GRIN2A: variants seen among roughly 807,000 people sequenced by gnomAD.
The protein encoded by GRIN2A is glutamate receptor ionotropic, NMDA 2A.
Under a neutral mutation model 113.4 loss-of-function variants are expected in GRIN2A, and 22 were observed. The observed-to-expected ratio is 0.19, with a 90% CI of 0.14 to 0.28. GRIN2A has a LOEUF of 0.28. Among genes scored for constraint, GRIN2A ranks in the 10% least tolerant of loss-of-function variants. The pLI, the probability that GRIN2A is intolerant of heterozygous loss-of-function variation, is 1.00. For missense variants in GRIN2A, 1,502 were observed against 1,887.0 expected (o/e 0.80, Z 3.78); for synonymous variants, 827 against 738.4 (o/e 1.12, Z -1.94).
chr16:9,915,047 C>T (rs2044219008), intron 3 of GRIN2A, among the ~76,000 whole-genome samples: 1 of 149,414 alleles, frequency 6.7e-6, no homozygotes, highest in South Asian at 2.2e-4. Context: ...CGCCATTCTC[C>T]TGCCTCAGCC....
chr16:10,093,497 G>T (rs1432573959), intron 2 of GRIN2A, among the ~76,000 whole-genome samples: 1 of 152,128 alleles, frequency 6.6e-6, no homozygotes, highest in Non-Finnish European at 1.5e-5. Flanking sequence ...TTGCTGCGTA[G>T]CATTGGCACC....
At chr16:9,887,246 G>T (rs1596541473) in intron 4 of GRIN2A, among the ~76,000 whole-genome samples, 1 of 152,172 alleles carries the variant, frequency 6.6e-6, no homozygotes, top group Non-Finnish European at 1.5e-5. Context: ...AATGGATCTT[G>T]TGTCATAATT....
At chr16:10,069,949 AC>A (rs2047718895) in intron 2 of GRIN2A, among the ~76,000 whole-genome samples, 2 of 152,204 alleles carry the variant, frequency 1.3e-5, no homozygotes, top group Non-Finnish European at 2.9e-5. Context: ...CAAGAGGAAG[AC>A]AATCAAGAAA....
At chr16:9,771,720 G>C (rs1289634739) in intron 11 of GRIN2A, among the ~76,000 whole-genome samples, 1 of 152,054 alleles carries the variant, frequency 6.6e-6, no homozygotes, top group African/African-American at 2.4e-5. Context: ...AAGAACACTA[G>C]GCTACAGAAA....
chr16:10,070,291 C>T (rs1025192577), intron 2 of GRIN2A, among the ~76,000 whole-genome samples: 2 of 152,174 alleles, frequency 1.3e-5, no homozygotes, highest in African/African-American at 4.8e-5. Context: ...CCTCTAGCCT[C>T]GCTACTCACA....
rs1031943905 is a variant in GRIN2A, at chr16:9,758,401, A to G, written c.*4748T>C. The G allele has an allele frequency of 2.2e-5, 5 of 223,050 alleles. No homozygotes were observed. The highest frequency in any genetic ancestry group is 1.1e-4 in the African/African-American group (5 of 44,802). 13.8% of individuals were successfully genotyped at this position (223,050 alleles called of 1,614,324 possible). ...TTTTAAAGAAGGGGCCAAGAACGCC[A>G]ACACCCATATTCTACTTAGGCTCTG... is the stretch of plus-strand genomic sequence containing the variant. On this transcript the variant is annotated 3_prime_UTR_variant, in exon 13 of 13. Transcript: ENST00000330684.
rs138359995 is a variant in GRIN2A at position 10,098,482 on chromosome 16, T to C, written c.414+81516A>G. ...CTACCCAGAGGAAAAGAAGTCATTA[T>C]ACCAAAAAGACATTTGCACACACAT... On this transcript the variant is annotated intron_variant, in intron 2 of 12. Coordinates refer to ENST00000330684, the MANE Select transcript of GRIN2A (RefSeq NM_001134407.3). Among the ~76,000 whole-genome samples, 24 of 152,348 alleles carry C rather than the reference T, an allele frequency of 1.6e-4. 1 individual carries two copies. The East Asian group carries it at 3.1e-3, about 20-fold the overall frequency.
At chr16:10,009,211 G>A (rs1164103448) in intron 2 of GRIN2A, among the ~76,000 whole-genome samples, 2 of 152,192 alleles carry the variant, frequency 1.3e-5, no homozygotes, top group African/African-American at 4.8e-5. Flanking sequence ...ATTCCTCCAG[G>A]AAGGAAGCTT....
chr16:10,124,567 C>G (rs2048893008), intron 2 of GRIN2A, among the ~76,000 whole-genome samples: 1 of 152,100 alleles, frequency 6.6e-6, no homozygotes, highest in African/African-American at 2.4e-5. Flanking sequence ...GACAGGGGCA[C>G]TGAAATTATG....
intron 2 of GRIN2A, among the ~76,000 whole-genome samples, chr16:10,096,142 G>A (rs752636378): frequency 1.2e-4 from 19 of 152,244 alleles, no homozygotes; most frequent in Non-Finnish European, 2.2e-4. Flanking sequence ...ATTCACTGGG[G>A]GTTTAGGGCC....
chr16:9,799,018 T>G (rs1210123770), intron 10 of GRIN2A, among the ~76,000 whole-genome samples: 5 of 152,262 alleles, frequency 3.3e-5, no homozygotes, highest in Non-Finnish European at 7.3e-5. Flanking sequence ...ATAACTCAGA[T>G]TCAACCTTTG....
intron 4 of GRIN2A, among the ~76,000 whole-genome samples, chr16:9,862,155 C>T (rs1280850677): frequency 1.3e-5 from 2 of 152,206 alleles, no homozygotes; most frequent in Non-Finnish European, 2.9e-5. Context: ...TTAAATAAAG[C>T]ATAAGAACAA....
chr16:9,805,317 ATAGT>A (rs1567310724), intron 10 of GRIN2A, among the ~76,000 whole-genome samples: 3 of 152,326 alleles, frequency 2.0e-5, no homozygotes, highest in East Asian at 3.9e-4. Context: ...GGCTAATTAT[ATAGT>A]TAAAGTTAAT....
intron 2 of GRIN2A, among the ~76,000 whole-genome samples, chr16:10,144,448 T>C (rs578072648): frequency 2.6e-5 from 4 of 152,354 alleles, no homozygotes; most frequent in Admixed American, 6.5e-5. Context: ...TGTTGGCCAT[T>C]TGCATGTCTT....
chr16:9,860,714 A>G, intron 4 of GRIN2A, among the ~76,000 whole-genome samples: 1 of 152,162 alleles, frequency 6.6e-6, no homozygotes, highest in East Asian at 1.9e-4. Context: ...GACACAGGCC[A>G]TGATGGTCAG....
chr16:10,029,131 T>C (rs1596441133), intron 2 of GRIN2A, among the ~76,000 whole-genome samples: 1 of 152,120 alleles, frequency 6.6e-6, no homozygotes, highest in South Asian at 2.1e-4. Flanking sequence ...CATTTATCTA[T>C]GGAAAATTGG....
At chr16:10,020,636 A>G (rs2046701809) in intron 2 of GRIN2A, among the ~76,000 whole-genome samples, 1 of 152,162 alleles carries the variant, frequency 6.6e-6, no homozygotes, top group Admixed American at 6.5e-5. Context: ...TATACGATAC[A>G]AGGTTAATTG....
chr16:9,852,934 GT>G (rs2042910589), intron 4 of GRIN2A, among the ~76,000 whole-genome samples: 1 of 152,202 alleles, frequency 6.6e-6, no homozygotes, highest in South Asian at 2.1e-4. Context: ...GTGATAAAAT[GT>G]TTGCTTGCAT....
chr16:9,884,524 G>A (rs2037848447), intron 4 of GRIN2A, among the ~76,000 whole-genome samples: 1 of 152,050 alleles, frequency 6.6e-6, no homozygotes, highest in Non-Finnish European at 1.5e-5. Context: ...ACTCCAGCCT[G>A]GGTGACAGTG....
Sources: allele counts gnomAD v4.1 joint callset (sites outside exome capture counted in the v4.1 genomes callset), GRCh38; gene constraint gnomAD v4.1.1; transcripts MANE v1.5; gene names NCBI Gene and HGNC (gene_info 2026-07-23, HGNC 2026-07-21).